BANK1: variants seen among roughly 807,000 people sequenced by gnomAD.
The protein encoded by BANK1 is B cell scaffold protein with ankyrin repeats 1, also known as B-cell scaffold protein with ankyrin repeats.
In BANK1, 95 loss-of-function variants were observed where a neutral mutation model predicts 94.5. The observed-to-expected ratio is 1.00, with a 90% confidence interval of 0.85 to 1.19. The LOEUF (loss-of-function observed/expected upper bound fraction) is 1.19. Ranked by LOEUF, BANK1 falls within the 50% of genes most tolerant of loss-of-function variation. The pLI, the probability that BANK1 is intolerant of heterozygous loss-of-function variation, is 0.00. For synonymous variants in BANK1, 334 were observed against 308.4 expected (o/e 1.08, Z -0.87); for missense variants, 987 against 932.2 (o/e 1.06, Z -0.77).
intron 1 of BANK1, among the ~76,000 whole-genome samples, chr4:101,827,525 CTT>C (rs1395442968): frequency 6.6e-6 from 1 of 151,968 alleles, no homozygotes; most frequent in Non-Finnish European, 1.5e-5. Flanking sequence ...TGTGTAATCA[CTT>C]TTATTTCATC....
rs1725239669 is a variant in BANK1 at position 101,979,137 on chromosome 4, G to C, written c.1207-42377G>C. On this transcript the variant is annotated intron_variant, in intron 7 of 16. Coordinates refer to ENST00000322953, the MANE Select transcript of BANK1 (RefSeq NM_017935.5). ...AATATACCTGTGAAATATAAGATGA[G>C]AAGAAATAAATTTAAGATAAAGTTT... 2.0e-5 allele frequency among the ~76,000 whole-genome samples: 3 copies of C among 151,886 alleles called. No individual in the cohort carries two copies. The South Asian group carries it at 6.2e-4, about 32-fold the overall frequency.
In BANK1 at chr4:101,830,246, T is replaced by G. The variant is rs1560591782; in HGVS notation, c.469+40T>G. The G allele has an allele frequency of 1.5e-5, 6 of 403,608 alleles. No homozygotes were observed. In the South Asian group the frequency reaches 2.9e-4, roughly 19 times the overall value. The allele number at this position is 403,608 out of a possible 1,614,324, so 25.0% of individuals were successfully genotyped here. On this transcript the variant is annotated intron_variant, in intron 2 of 16. Transcript: ENST00000322953. ...CCTTGTTTGTTTTATTTTTATTTGTTTTTTTTTTTTTGTAATTAAAGAATT... is the reference window on the plus strand; with the variant it reads ...CCTTGTTTGTTTTATTTTTATTTGTGTTTTTTTTTTTGTAATTAAAGAATT...
At chr4:101,814,431 C>T (rs1355613201) in intron 1 of BANK1, among the ~76,000 whole-genome samples, 4 of 152,080 alleles carry the variant, frequency 2.6e-5, no homozygotes, top group African/African-American at 9.7e-5. Context: ...AGAGAAAGAA[C>T]AAGGAAACAA....
rs553979685 is a variant in BANK1, at chr4:101,918,188, C to T, written c.1205C>T (p.Ser402Leu). The T allele has an allele frequency of 6.4e-7, 1 of 1,553,440 alleles. No homozygotes were observed. The highest frequency in any genetic ancestry group is 8.7e-7 in the Non-Finnish European group (1 of 1,146,872). Reference protein sequence around the residue: ...KELKKIFEDFSIQEIDINNEQ... With the variant: ...KELKKIFEDFLIQEIDINNEQ... ...CTCAAGAAAATCTTCGAAGACTTTTCAGTAAGTTTTTTTTTTAAATTATAT... is the reference window on the plus strand; with the variant it reads ...CTCAAGAAAATCTTCGAAGACTTTTTAGTAAGTTTTTTTTTTAAATTATAT... Residue 402 changes from serine (S) to leucine (L), a missense_variant and splice_region_variant, in exon 7 of 17, where the codon TCA becomes TTA. Physicochemically the swap from Ser to Leu is moderately radical, Grantham distance 145 (BLOSUM62 -2). Coordinates refer to ENST00000322953, the MANE Select transcript of BANK1 (RefSeq NM_017935.5).
chr4:101,905,276 C>T (rs1019975588), intron 6 of BANK1, among the ~76,000 whole-genome samples: 6 of 152,180 alleles, frequency 3.9e-5, no homozygotes, highest in Non-Finnish European at 5.9e-5. Context: ...GGACCTTTTG[C>T]GGGGGTTCCC....
intron 7 of BANK1, among the ~76,000 whole-genome samples, chr4:102,016,838 G>A (rs756544069): frequency 3.3e-5 from 5 of 151,916 alleles, no homozygotes; most frequent in Non-Finnish European, 7.4e-5. Flanking sequence ...CTAAAGACAC[G>A]CCCACGAATA....
chr4:102,031,337 A>C (rs1727302095), intron 10 of BANK1, among the ~76,000 whole-genome samples: 1 of 152,196 alleles, frequency 6.6e-6, no homozygotes, highest in Admixed American at 6.5e-5. Flanking sequence ...TCTGGATATT[A>C]GCCCTTTGTC....
intron 11 of BANK1, among the ~76,000 whole-genome samples, chr4:102,051,440 G>T (rs1728043172): frequency 6.6e-6 from 1 of 152,134 alleles, no homozygotes; most frequent in African/African-American, 2.4e-5. Context: ...CCACAGTGTT[G>T]TCTCTCAGAA....
chr4:102,059,893 G>A (rs1400974067), intron 11 of BANK1, among the ~76,000 whole-genome samples: 1 of 152,176 alleles, frequency 6.6e-6, no homozygotes, highest in Non-Finnish European at 1.5e-5. Context: ...TTGTGCACGT[G>A]ATCTCTGATA....
At position 101,936,186 on chromosome 4, in the gene BANK1, G is replaced by GATAT. The variant is rs59723463; in HGVS notation, c.1206+18004_1206+18007dup. Among the ~76,000 whole-genome samples, 23 of 146,890 alleles carry GATAT rather than the reference G, an allele frequency of 1.6e-4. No individual in the cohort carries two copies. In the South Asian group the frequency reaches 2.1e-3, roughly 14 times the overall value. On this transcript the variant is annotated intron_variant, in intron 7 of 16. Coordinates refer to ENST00000322953, the MANE Select transcript of BANK1 (RefSeq NM_017935.5). ...CTTATAACCAGAAAAAAATATATAT[G>GATAT]ATATATATATTTTTTATATATCATA...
chr4:101,844,109 G>A (rs1727159684), intron 2 of BANK1, among the ~76,000 whole-genome samples: 1 of 152,098 alleles, frequency 6.6e-6, no homozygotes, highest in African/African-American at 2.4e-5. Context: ...TGAGGTAGAT[G>A]TAAAGATTAT....
At chr4:102,041,654 A>C in intron 10 of BANK1, among the ~76,000 whole-genome samples, 1 of 151,982 alleles carries the variant, frequency 6.6e-6, no homozygotes, top group East Asian at 1.9e-4. Flanking sequence ...TCTGCTTTTA[A>C]AGAGTCGTAT....
intron 7 of BANK1, among the ~76,000 whole-genome samples, chr4:102,007,854 T>G (rs1297524535): frequency 6.6e-6 from 1 of 152,178 alleles, no homozygotes; most frequent in East Asian, 1.9e-4. Flanking sequence ...CTAAATTTTG[T>G]TGAATTAATT....
At chr4:101,794,369 C>T (rs959306571) in intron 1 of BANK1, among the ~76,000 whole-genome samples, 3 of 152,048 alleles carry the variant, frequency 2.0e-5, no homozygotes, top group Non-Finnish European at 4.4e-5. Flanking sequence ...AAATGAGGAA[C>T]ATCATTCCTG....
Position 101,895,363 on chromosome 4 carries a change from A to T in BANK1, c.962A>T (p.Tyr321Phe). Residue 321 changes from tyrosine to phenylalanine, a missense_variant, in exon 6 of 17, where the codon TAT becomes TTT. By Grantham distance (22) the Tyr-to-Phe change is conservative. Coordinates refer to ENST00000322953, the MANE Select transcript of BANK1 (RefSeq NM_017935.5). The part of the protein sequence containing the change: ...LTSIFKHEIP[Y>F]YEFQSLQTEI... ...TCCATATTCAAACATGAGATACCAT[A>T]TTATGAGTTCCAGTCTCTTCAAACT... 6.3e-7 allele frequency: 1 copy of T among 1,596,350 alleles called. No individual in the cohort carries two copies. The highest frequency in any genetic ancestry group is 8.5e-7 in the Non-Finnish European group (1 of 1,171,078).
At chr4:101,797,555 T>A (rs1725199738) in intron 1 of BANK1, among the ~76,000 whole-genome samples, 1 of 152,112 alleles carries the variant, frequency 6.6e-6, no homozygotes, top group Admixed American at 6.6e-5. Flanking sequence ...GTGGACAGAT[T>A]TATTAAGAAC....
At chr4:101,981,529 G>A (rs1725324405) in intron 7 of BANK1, among the ~76,000 whole-genome samples, 2 of 152,044 alleles carry the variant, frequency 1.3e-5, no homozygotes, top group South Asian at 2.1e-4. Context: ...TGTAGCATAT[G>A]TTTTTCTGAA....
chr4:101,859,500 G>C (rs1727794302), intron 3 of BANK1, among the ~76,000 whole-genome samples: 1 of 152,194 alleles, frequency 6.6e-6, no homozygotes. Context: ...TTGTTTCCCT[G>C]AATGCTCTGA....
intron 2 of BANK1, among the ~76,000 whole-genome samples, chr4:101,832,328 T>C (rs1055670850): frequency 1.3e-5 from 2 of 152,214 alleles, no homozygotes; most frequent in Non-Finnish European, 2.9e-5. Context: ...TGTATCTTTT[T>C]CCCAAAATGT....
Sources: allele counts gnomAD v4.1 joint callset (sites outside exome capture counted in the v4.1 genomes callset), GRCh38; gene constraint gnomAD v4.1.1; transcripts MANE v1.5; gene names NCBI Gene and HGNC (gene_info 2026-07-23, HGNC 2026-07-21).